The following WWOX variants were observed in gnomAD, a reference collection of about 807,000 sequenced individuals.
The protein encoded by WWOX is WW domain containing oxidoreductase, also known as WW domain-containing oxidoreductase.
WWOX carries 69 observed loss-of-function variants against 46.2 expected under a neutral mutation model. The ratio of observed to expected loss-of-function variants is 1.49; its 90% CI spans 1.23 to 1.82. The LOEUF (loss-of-function observed/expected upper bound fraction) is 1.82, where lower values mean the gene tolerates loss of function less well. Ranked by LOEUF, WWOX falls within the 40% of genes most tolerant of loss-of-function variation. The pLI is 0.00. For synonymous variants in WWOX, 359 were observed against 202.6 expected (o/e 1.77, Z -6.56); for missense variants, 919 against 542.6 (o/e 1.69, Z -6.89).
At chr16:78,903,179 T>C (rs2044872471) in intron 8 of WWOX, among the ~76,000 whole-genome samples, 1 of 152,148 alleles carries the variant, frequency 6.6e-6, no homozygotes, top group Admixed American at 6.5e-5. Context: ...CCCTAGATGT[T>C]TCCCATTGGC....
intron 8 of WWOX, among the ~76,000 whole-genome samples, chr16:78,508,660 A>G (rs1462713136): frequency 6.6e-6 from 1 of 152,214 alleles, no homozygotes; most frequent in Non-Finnish European, 1.5e-5. Context: ...TTGAAAGCTG[A>G]TGGTGCCCTC....
At chr16:78,374,203 C>G (rs147746897) in intron 5 of WWOX, among the ~76,000 whole-genome samples, 1 of 152,306 alleles carries the variant, frequency 6.6e-6, no homozygotes, top group Admixed American at 6.5e-5. Context: ...TTCTTCCTTT[C>G]TGTCTTTCTC....
chr16:78,910,833 G>T (rs1211855965), intron 8 of WWOX, among the ~76,000 whole-genome samples: 1 of 151,826 alleles, frequency 6.6e-6, no homozygotes, highest in African/African-American at 2.4e-5. Context: ...CTCCCATGAC[G>T]TGGGAATTAT....
intron 8 of WWOX, among the ~76,000 whole-genome samples, chr16:79,167,792 T>G (rs1356998181): frequency 2.0e-5 from 3 of 152,236 alleles, no homozygotes; most frequent in Non-Finnish European, 4.4e-5. Context: ...AAGTGTACAC[T>G]TCAGTGGCAT....
intron 8 of WWOX, among the ~76,000 whole-genome samples, chr16:79,060,427 T>C (rs2048338148): frequency 6.6e-6 from 1 of 152,266 alleles, no homozygotes; most frequent in African/African-American, 2.4e-5. Context: ...ATGCCCGTGC[T>C]TTCTGATGCC....
At chr16:78,363,710 A>C (rs1309526640) in intron 5 of WWOX, among the ~76,000 whole-genome samples, 2 of 152,154 alleles carry the variant, frequency 1.3e-5, no homozygotes, top group African/African-American at 4.8e-5. Context: ...ATATTTGCCA[A>C]CCCTCAACCT....
chr16:78,491,216 G>T (rs534355561), intron 8 of WWOX, among the ~76,000 whole-genome samples: 1 of 152,098 alleles, frequency 6.6e-6, no homozygotes, highest in East Asian at 1.9e-4. Context: ...TTACTCACCT[G>T]GGCCATTAAT....
At chr16:78,745,868 G>C (rs1254244602) in intron 8 of WWOX, among the ~76,000 whole-genome samples, 1 of 133,346 alleles carries the variant, frequency 7.5e-6, no homozygotes, top group South Asian at 2.4e-4. Context: ...TTTGGAAAAA[G>C]CACATTGTAT....
chr16:78,613,551 A>T (rs2045949832), intron 8 of WWOX, among the ~76,000 whole-genome samples: 1 of 152,166 alleles, frequency 6.6e-6, no homozygotes. Context: ...AAATTATCTG[A>T]TGGAATTGAC....
chr16:78,950,719 C>T (rs1311354017), intron 8 of WWOX, among the ~76,000 whole-genome samples: 1 of 152,202 alleles, frequency 6.6e-6, no homozygotes, highest in African/African-American at 2.4e-5. Context: ...TTCTCTTAGA[C>T]ACTCACGGTG....
chr16:79,054,373 C>T (rs1597329886), intron 8 of WWOX, among the ~76,000 whole-genome samples: 1 of 152,154 alleles, frequency 6.6e-6, no homozygotes, highest in Admixed American at 6.5e-5. Context: ...AGCTTTTGTA[C>T]AGCTTGTTCA....
At chr16:78,730,239 A>G (rs1367384308) in intron 8 of WWOX, among the ~76,000 whole-genome samples, 1 of 152,112 alleles carries the variant, frequency 6.6e-6, no homozygotes, top group Non-Finnish European at 1.5e-5. Context: ...TGTCAGGATG[A>G]TCTTATGAAC....
intron 8 of WWOX, chr16:78,873,497 C>T (rs999859233): frequency 1.3e-5 from 2 of 152,148 alleles, no homozygotes; most frequent in Non-Finnish European, 2.9e-5. Flanking sequence ...ATTTTAAATA[C>T]TTGGAGGGCC....
In WWOX at chr16:78,156,816, G is replaced by A. The variant is rs186674815; in HGVS notation, c.410-7367G>A. On this transcript the variant is annotated intron_variant, in intron 4 of 8. Coordinates refer to ENST00000566780, the MANE Select transcript of WWOX (RefSeq NM_016373.4). ...GCACGCGCCTGTAATCCCAGTTGCT[G>A]GGGAGACTGAGACACGAGAATCGCT... Among the ~76,000 whole-genome samples the A allele has an allele frequency of 2.9e-3, 444 of 152,194 alleles. 1 individual carries two copies. The highest frequency in any genetic ancestry group is 0.01 in the African/African-American group (425 of 41,534).
intron 8 of WWOX, among the ~76,000 whole-genome samples, chr16:78,649,585 G>A (rs556891862): frequency 2.1e-4 from 32 of 152,256 alleles, no homozygotes; most frequent in Admixed American, 7.9e-4. Context: ...CTCTTCCCCC[G>A]TTTGTTAATA....
chr16:78,995,265 A>C (rs933519315), intron 8 of WWOX, among the ~76,000 whole-genome samples: 5 of 152,074 alleles, frequency 3.3e-5, no homozygotes, highest in African/African-American at 1.2e-4. Flanking sequence ...TTTAGCAGGA[A>C]AGGTGAACAG....
chr16:79,072,025 G>A (rs2048560975), intron 8 of WWOX, among the ~76,000 whole-genome samples: 2 of 152,192 alleles, frequency 1.3e-5, no homozygotes, highest in Non-Finnish European at 1.5e-5. Flanking sequence ...GCTCATGCCT[G>A]TAATCCTAGC....
intron 8 of WWOX, among the ~76,000 whole-genome samples, chr16:78,588,825 A>C (rs1468252537): frequency 1.3e-5 from 2 of 152,048 alleles, no homozygotes; most frequent in Admixed American, 1.3e-4. Flanking sequence ...CTCTGTGGAG[A>C]GGTGCAGGTT....
At chr16:78,610,136 C>G (rs965237524) in intron 8 of WWOX, among the ~76,000 whole-genome samples, 2 of 152,206 alleles carry the variant, frequency 1.3e-5, no homozygotes, top group African/African-American at 4.8e-5. Flanking sequence ...GGTGTCCTCA[C>G]TTGGTGCCTT....
Sources: allele counts gnomAD v4.1 joint callset (sites outside exome capture counted in the v4.1 genomes callset), GRCh38; gene constraint gnomAD v4.1.1; transcripts MANE v1.5; gene names NCBI Gene and HGNC (gene_info 2026-07-23, HGNC 2026-07-21).